Variants in IPO11 observed in about 807,000 individuals in gnomAD.
IPO11 encodes the protein importin-11.
Under a neutral mutation model 143.2 loss-of-function variants are expected in IPO11, and 66 were observed. The observed-to-expected ratio is 0.46, with a 90% CI of 0.38 to 0.57. The LOEUF is 0.57. Ranked by LOEUF, IPO11 falls within the 20% of genes least tolerant of loss-of-function variation. The probability of loss-of-function intolerance (pLI) is 0.00; values close to 1 mark genes in which losing one functional copy is unlikely to be tolerated. For missense variants in IPO11, 1,026 were observed against 1,141.0 expected (o/e 0.90, Z 1.45); for synonymous variants, 385 against 377.8 (o/e 1.02, Z -0.22).
chr5:62,491,978 A>G (rs1174300533), intron 15 of IPO11, among the ~76,000 whole-genome samples: 1 of 152,206 alleles, frequency 6.6e-6, no homozygotes, highest in African/African-American at 2.4e-5. Flanking sequence ...GTACTAAAAA[A>G]TTAAAATAAC....
At chr5:62,439,613 G>C (rs1444802767) in intron 2 of IPO11, among the ~76,000 whole-genome samples, 1 of 150,252 alleles carries the variant, frequency 6.7e-6, no homozygotes, top group African/African-American at 2.4e-5. Context: ...TTTAAGTAGA[G>C]ACAGGGTCTT....
Position 62,627,441 on chromosome 5 carries a change from A to AT in IPO11, c.*129dup, listed in dbSNP as rs1746626348. ...TCATGAAAATAAGCAAAGACCACAC[A>AT]TTTTTTACTACAAAATGTAAAGGAT... On this transcript the variant is annotated 3_prime_UTR_variant, in exon 30 of 30. Transcript: ENST00000325324. 3 of 843,766 alleles carry AT rather than the reference A, an allele frequency of 3.6e-6. No homozygotes were observed. The highest frequency in any genetic ancestry group is 3.8e-4 in the Middle Eastern group (1 of 2,666). 52.3% of individuals were successfully genotyped at this position (843,766 alleles called of 1,614,324 possible).
chr5:62,549,087 G>C (rs985099688), intron 24 of IPO11, among the ~76,000 whole-genome samples: 6 of 150,476 alleles, frequency 4.0e-5, no homozygotes, highest in African/African-American at 1.5e-4. Context: ...ATCTAGTTGT[G>C]TTTTTGTTTT....
intron 29 of IPO11, among the ~76,000 whole-genome samples, chr5:62,605,925 C>T (rs1351119183): frequency 1.3e-5 from 2 of 151,878 alleles, no homozygotes; most frequent in African/African-American, 4.8e-5. Flanking sequence ...GAGACAGGGT[C>T]CCACTTTGTT....
chr5:62,590,424 G>A (rs571064770), intron 27 of IPO11, among the ~76,000 whole-genome samples: 1 of 152,220 alleles, frequency 6.6e-6, no homozygotes, highest in Admixed American at 6.5e-5. Flanking sequence ...AACTTGTTTA[G>A]TCTCTTAAAT....
chr5:62,478,985 GT>G (rs1452079540), intron 9 of IPO11, among the ~76,000 whole-genome samples: 1 of 152,172 alleles, frequency 6.6e-6, no homozygotes, highest in Non-Finnish European at 1.5e-5. Context: ...TGTGCACAAT[GT>G]GCAGATTTGT....
At chr5:62,470,186 T>A (rs1219863131) in intron 6 of IPO11, 64 bp from the exon 7 acceptor site, 1 of 1,481,410 alleles carries the variant, frequency 6.8e-7, no homozygotes. Context: ...TCTGAATCTT[T>A]CTTGTGATTG....
chr5:62,473,808 G>T (rs187560758), intron 7 of IPO11, among the ~76,000 whole-genome samples: 1 of 151,716 alleles, frequency 6.6e-6, no homozygotes, highest in African/African-American at 2.4e-5. Context: ...ACATATCTTA[G>T]AATATGTTTT....
At chr5:62,478,984 T>C (rs1746075721) in intron 9 of IPO11, among the ~76,000 whole-genome samples, 2 of 152,232 alleles carry the variant, frequency 1.3e-5, no homozygotes, top group African/African-American at 4.8e-5. Flanking sequence ...ATGTGCACAA[T>C]GTGCAGATTT....
rs567642703 is a variant in IPO11, at chr5:62,485,149, C to G, written c.1175-270C>G. Among the ~76,000 whole-genome samples, 108 of 152,156 alleles carry G rather than the reference C, an allele frequency of 7.1e-4. 1 individual carries two copies. Among genetic ancestry groups the G allele is most frequent in the South Asian group, 5.4e-3 (26 of 4,830 alleles). On this transcript the variant is annotated intron_variant, in intron 11 of 29. Transcript: ENST00000325324. ...GTGATAGCAGATACCCTGGAAATGA[C>G]AACTACTTTGAGCTTTTTTCCATAA...
At chr5:62,520,615 C>T (rs973700567) in intron 20 of IPO11, among the ~76,000 whole-genome samples, 5 of 152,268 alleles carry the variant, frequency 3.3e-5, no homozygotes, top group South Asian at 2.1e-4. Context: ...TGAGTGAGAA[C>T]GTGCTGTGTT....
chr5:62,472,336 A>T (rs148832600), intron 7 of IPO11, among the ~76,000 whole-genome samples: 59 of 152,144 alleles, frequency 3.9e-4, no homozygotes, highest in African/African-American at 1.4e-3. Context: ...CTATAAGGTG[A>T]AATAGTAGTT....
chr5:62,574,615 G>T (rs1280242230), intron 27 of IPO11, among the ~76,000 whole-genome samples: 2 of 152,150 alleles, frequency 1.3e-5, no homozygotes, highest in Non-Finnish European at 2.9e-5. Flanking sequence ...TTTCTAAGTT[G>T]AAACAGCCCT....
chr5:62,435,074 A>ATATATATGTGTATATATG (rs1561308671), intron 1 of IPO11, among the ~76,000 whole-genome samples: 13 of 103,240 alleles, frequency 1.3e-4, no homozygotes, highest in Admixed American at 7.9e-4. Flanking sequence ...ATATATATGT[A>ATATATATGTGTATATATG]TATATATGTG....
chr5:62,558,507 A>G (rs1046246902), intron 26 of IPO11, among the ~76,000 whole-genome samples: 17 of 152,212 alleles, frequency 1.1e-4, no homozygotes, highest in African/African-American at 3.6e-4. Context: ...TAAGAATTAT[A>G]TCATTAAGAA....
intron 24 of IPO11, among the ~76,000 whole-genome samples, chr5:62,539,631 A>G (rs1742860682): frequency 6.6e-6 from 1 of 152,162 alleles, no homozygotes; most frequent in Non-Finnish European, 1.5e-5. Flanking sequence ...GACCCTGGAT[A>G]CTTGAGGCCT....
rs59835075 is a variant in IPO11 at position 62,467,728 on chromosome 5, A to G, written c.649+465A>G. ...ACTTGGATTTCAGAAGGTGCTTTATAGGATGCCATCTTGGCCTGTGTCTTG... is the reference window on the plus strand; with the variant it reads ...ACTTGGATTTCAGAAGGTGCTTTATGGGATGCCATCTTGGCCTGTGTCTTG... On this transcript the variant is annotated intron_variant, in intron 6 of 29. Transcript: ENST00000325324. Among the ~76,000 whole-genome samples the G allele has an allele frequency of 7.1e-3, 1,075 of 152,234 alleles. 19 individuals carry two copies. Among genetic ancestry groups the G allele is most frequent in the African/African-American group, 0.025 (1,031 of 41,550 alleles).
At chr5:62,541,779 A>T (rs961146748) in intron 24 of IPO11, among the ~76,000 whole-genome samples, 1 of 152,208 alleles carries the variant, frequency 6.6e-6, no homozygotes, top group Non-Finnish European at 1.5e-5. Context: ...TGAAAATTCC[A>T]AACTAACTTA....
chr5:62,559,743 C>G (rs1238684282), intron 26 of IPO11, among the ~76,000 whole-genome samples: 1 of 151,416 alleles, frequency 6.6e-6, no homozygotes, highest in Non-Finnish European at 1.5e-5. Flanking sequence ...ATGGTGAAAC[C>G]CTGTCTCTAC....
Sources: allele counts gnomAD v4.1 joint callset (sites outside exome capture counted in the v4.1 genomes callset), GRCh38; gene constraint gnomAD v4.1.1; transcripts MANE v1.5; gene names NCBI Gene and HGNC (gene_info 2026-07-23, HGNC 2026-07-21).